TOLLIP: variants seen among roughly 807,000 people sequenced by gnomAD.
TOLLIP encodes toll-interacting protein.
TOLLIP carries 16 observed loss-of-function variants against 33.5 expected under a neutral mutation model. That is an observed-to-expected ratio of 0.48 (90% CI 0.32 to 0.72). The LOEUF (loss-of-function observed/expected upper bound fraction) is 0.72, where lower values mean the gene tolerates loss of function less well. Ranked by LOEUF, TOLLIP falls within the 30% of genes least tolerant of loss-of-function variation. TOLLIP has a pLI of 0.03. For synonymous variants in TOLLIP, 176 were observed against 163.7 expected (o/e 1.07, Z -0.57); for missense variants, 325 against 396.6 (o/e 0.82, Z 1.53).
At chr11:1,281,031 A>G (rs943925353) in intron 5 of TOLLIP, among the ~76,000 whole-genome samples, 3 of 152,240 alleles carry the variant, frequency 2.0e-5, no homozygotes, top group Admixed American at 6.5e-5. Flanking sequence ...GGAAGAGAAC[A>G]TGCTTCATGA....
rs927973776 is a variant in TOLLIP, at chr11:1,274,861, C to CG, written c.*2177dup. The stretch of plus-strand genomic sequence containing the variant: ...CGACCTCATCCACACCTGACACAGG[C>CG]GGGGGCGGGGGAGGGTGGGGGTTGT... On this transcript the variant is annotated 3_prime_UTR_variant, in exon 6 of 6. Coordinates refer to ENST00000317204, the MANE Select transcript of TOLLIP (RefSeq NM_019009.4). 2.2e-5 allele frequency: 3 copies of CG among 135,306 alleles called. No homozygotes were observed. The highest frequency in any genetic ancestry group is 4.8e-5 in the Non-Finnish European group (3 of 62,532). The allele number at this position is 135,306 out of a possible 1,614,324, so 8.4% of individuals were successfully genotyped here. A position where few individuals can be genotyped will look rare whatever the true frequency, so the allele number is the denominator to read the frequency against.
At position 1,278,359 on chromosome 11, in the gene TOLLIP, C is replaced by T. The variant is rs575155708; in HGVS notation, c.611-1106G>A. Among the ~76,000 whole-genome samples, 14 of 152,300 alleles carry T rather than the reference C, an allele frequency of 9.2e-5. No homozygotes were observed. The East Asian group carries it at 2.1e-3, about 23-fold the overall frequency. ...CATCTCCCAGCTAGGATCACTGGAG[C>T]GCTAGAGCCCCAATCTTAGGATAGG... On this transcript the variant is annotated intron_variant, in intron 5 of 5. Coordinates refer to ENST00000317204, the MANE Select transcript of TOLLIP (RefSeq NM_019009.4). The surrounding 1 kb of genome is among the most constrained non-coding windows in gnomAD (Gnocchi z 4.7).
At chr11:1,307,866 C>G (rs2133937707) in intron 1 of TOLLIP, among the ~76,000 whole-genome samples, 1 of 152,300 alleles carries the variant, frequency 6.6e-6, no homozygotes, top group East Asian at 1.9e-4. Flanking sequence ...AGCAGCTATG[C>G]CCAAAACCTG....
chr11:1,292,225 G>A (rs1234004410), intron 2 of TOLLIP: 1 of 152,216 alleles, frequency 6.6e-6, no homozygotes, highest in African/African-American at 2.4e-5. Context: ...CTCTGCCCCT[G>A]TAAACTCCTT....
At position 1,275,684 on chromosome 11, in the gene TOLLIP, C is replaced by G. The variant is rs1863274699; in HGVS notation, c.*1355G>C. On this transcript the variant is annotated 3_prime_UTR_variant, in exon 6 of 6. Coordinates refer to ENST00000317204, the MANE Select transcript of TOLLIP (RefSeq NM_019009.4). ...TATCAACAGTATATTTGACAAAAAC[C>G]ACCCCCAATCGATGGCAGAAAGCAG... is the stretch of plus-strand genomic sequence containing the variant. 1 of 152,124 alleles carries G rather than the reference C, an allele frequency of 6.6e-6. No individual in the cohort carries two copies. Among genetic ancestry groups the G allele is most frequent in the Admixed American group, 6.5e-5 (1 of 15,280 alleles). The allele number at this position is 152,124 out of a possible 1,614,324, so 9.4% of individuals were successfully genotyped here. A position where few individuals can be genotyped will look rare whatever the true frequency, so the allele number is the denominator to read the frequency against.
intron 1 of TOLLIP, 98 bp downstream of exon 1, chr11:1,309,368 T>A: frequency 1.5e-6 from 1 of 684,108 alleles, no homozygotes; most frequent in Non-Finnish European, 2.0e-6. Flanking sequence ...AGCCGCGGAG[T>A]CGGCCCGCCA....
chr11:1,286,472 C>T (rs978473267), intron 4 of TOLLIP, among the ~76,000 whole-genome samples: 2 of 152,240 alleles, frequency 1.3e-5, no homozygotes, highest in African/African-American at 2.4e-5. Flanking sequence ...AGTCACTGCA[C>T]TGCTGTCAAC....
In TOLLIP at chr11:1,277,156, G is replaced by A. The variant is rs748152949; in HGVS notation, c.708C>T (p.Ala236=). The change falls in exon 6 of 6, where the codon GCC becomes GCT. Residue 236 remains alanine (A), a synonymous_variant. Transcript: ENST00000317204. The surrounding 1 kb of genome is among the most constrained non-coding windows in gnomAD (Gnocchi z 4.2). ...QPRCSEEDLK[A]IQDMFPNMDQ... is the part of the protein sequence containing the mutation. Reference sequence around the variant, plus strand: ...CCATGTTGGGGAACATGTCCTGGATGGCTTTCAGGTCCTCCTCGCTACAGC... The same window carrying A: ...CCATGTTGGGGAACATGTCCTGGATAGCTTTCAGGTCCTCCTCGCTACAGC... 2.5e-6 allele frequency: 4 copies of A among 1,613,144 alleles called. No individual in the cohort carries two copies. The highest frequency in any genetic ancestry group is 2.2e-5 in the East Asian group (1 of 44,860).
At chr11:1,284,399 A>T (rs916544715) in intron 5 of TOLLIP, among the ~76,000 whole-genome samples, 25 of 151,058 alleles carry the variant, frequency 1.7e-4, no homozygotes, top group Admixed American at 1.4e-3. Context: ...CCCAGGCTGG[A>T]GTGCAGTGGC....
chr11:1,299,857 C>A (rs527243866), intron 1 of TOLLIP, among the ~76,000 whole-genome samples: 20 of 152,346 alleles, frequency 1.3e-4, no homozygotes, highest in Middle Eastern at 3.4e-3. Flanking sequence ...ATCCACCCAG[C>A]GCATCGCCAC....
chr11:1,307,468 C>G (rs1484491575), intron 1 of TOLLIP, among the ~76,000 whole-genome samples: 1 of 152,254 alleles, frequency 6.6e-6, no homozygotes, highest in Non-Finnish European at 1.5e-5. Flanking sequence ...CTGCCTCCCA[C>G]TGCTCCCTGC....
chr11:1,291,821 C>G (rs540448667), intron 2 of TOLLIP: 2,597 of 160,182 alleles, frequency 0.016, 47 homozygotes, highest in Non-Finnish European at 0.023. Flanking sequence ...TCCTCACCGA[C>G]CCACCTCTGA....
chr11:1,308,594 C>A (rs1041496671), intron 1 of TOLLIP, among the ~76,000 whole-genome samples: 1 of 152,252 alleles, frequency 6.6e-6, no homozygotes, highest in Non-Finnish European at 1.5e-5. Flanking sequence ...AGCTCTCCTG[C>A]AATATTAATG....
chr11:1,307,027 C>G (rs1472843498), intron 1 of TOLLIP, among the ~76,000 whole-genome samples: 1 of 152,196 alleles, frequency 6.6e-6, no homozygotes, highest in Non-Finnish European at 1.5e-5. Context: ...CCACACAGCT[C>G]AGCTGTCCTT....
At chr11:1,308,104 G>A (rs1864466213) in intron 1 of TOLLIP, among the ~76,000 whole-genome samples, 1 of 152,206 alleles carries the variant, frequency 6.6e-6, no homozygotes. Context: ...TACCGCTCAC[G>A]ACAGCCTGCC....
chr11:1,297,657 C>G (rs1387710090), intron 1 of TOLLIP, among the ~76,000 whole-genome samples: 1 of 152,258 alleles, frequency 6.6e-6, no homozygotes, highest in South Asian at 2.1e-4. Context: ...CGAGAACAAG[C>G]AGAGCACCCC....
At chr11:1,286,202 C>T (rs906057842) in intron 4 of TOLLIP, 110 bp from the exon 5 acceptor site, 1 of 787,196 alleles carries the variant, frequency 1.3e-6, no homozygotes, top group African/African-American at 1.7e-5. Flanking sequence ...CAGAATCGCC[C>T]TCCCCATGCC....
rs1193705895 is a variant in TOLLIP, at chr11:1,277,570, G to A, written c.611-317C>T. Among the ~76,000 whole-genome samples, 1 of 152,142 alleles carries A rather than the reference G, an allele frequency of 6.6e-6. No individual in the cohort carries two copies. The highest frequency in any genetic ancestry group is 1.9e-4 in the East Asian group (1 of 5,180). On this transcript the variant is annotated intron_variant, in intron 5 of 5. Transcript: ENST00000317204. This position sits in a 1 kb window ranked among gnomAD's most constrained non-coding sequence, Gnocchi z 4.2. ...TCTGTTTTATAACTAGCAGGCTGGG[G>A]GTGGTGTTTTGATCCCTTCAGAACT...
chr11:1,276,942 G>A lies in TOLLIP; in HGVS notation c.*97C>T. 1 of 1,580,092 alleles carries A rather than the reference G, an allele frequency of 6.3e-7. No individual in the cohort carries two copies. Among genetic ancestry groups the A allele is most frequent in the South Asian group, 1.2e-5 (1 of 86,920 alleles). Reference sequence around the variant, plus strand: ...GTCCACGGGAGGGGGCGACACGGGTGCTCTTTCACGGGAATCTTGTTGGGA... The same window carrying A: ...GTCCACGGGAGGGGGCGACACGGGTACTCTTTCACGGGAATCTTGTTGGGA... On this transcript the variant is annotated 3_prime_UTR_variant, in exon 6 of 6. Coordinates refer to ENST00000317204, the MANE Select transcript of TOLLIP (RefSeq NM_019009.4).
Sources: gnomAD v4.1 joint callset for allele counts (sites outside exome capture counted in the v4.1 genomes callset) on GRCh38, gnomAD v4.1.1 for gene constraint, Gnocchi (gnomAD v3.1) non-coding constraint, MANE v1.5 for transcripts, NCBI Gene and HGNC (gene_info 2026-07-23, HGNC 2026-07-21) for gene names.